The following TMEM132C variants were observed in gnomAD, a reference collection of about 807,000 sequenced individuals.
The protein encoded by TMEM132C is transmembrane protein 132C.
Under a neutral mutation model 61.4 loss-of-function variants are expected in TMEM132C, and 29 were observed. That is an observed-to-expected ratio of 0.47 (90% CI 0.35 to 0.64). TMEM132C has a LOEUF of 0.64. TMEM132C is among the 30% of genes least tolerant of loss of function. The pLI is 0.00. For missense variants in TMEM132C, 1,408 were observed against 1,476.9 expected, an observed-to-expected ratio of 0.95 and a Z score of 0.76; for synonymous variants, 656 against 633.1, an observed-to-expected ratio of 1.04 and a Z score of -0.54.
At chr12:128,621,728 C>T (rs1953964992) in intron 4 of TMEM132C, among the ~76,000 whole-genome samples, 1 of 152,220 alleles carries the variant, frequency 6.6e-6, no homozygotes, top group South Asian at 2.1e-4. Flanking sequence ...CACGCCCACA[C>T]ACCTGTCCCA....
chr12:128,604,406 A>AAGATAGATAGATAGATAGAT (rs199758796), intron 3 of TMEM132C, among the ~76,000 whole-genome samples: 174 of 144,536 alleles, frequency 1.2e-3, no homozygotes, highest in East Asian at 1.7e-3. Context: ...TAATGGATGG[A>AAGATAGATAGATAGATAGAT]AGATAGATAG....
intron 1 of TMEM132C, among the ~76,000 whole-genome samples, chr12:128,344,232 A>G (rs1873077210): frequency 1.3e-5 from 2 of 152,092 alleles, no homozygotes; most frequent in African/African-American, 4.8e-5. Context: ...ATCTAGGCTC[A>G]CGGCAAGCTC....
At chr12:128,689,828 C>T (rs896538597) in intron 5 of TMEM132C, among the ~76,000 whole-genome samples, 6 of 152,196 alleles carry the variant, frequency 3.9e-5, no homozygotes, top group Non-Finnish European at 7.3e-5. Flanking sequence ...TACAAATGCC[C>T]GTGTGGGTCC....
intron 3 of TMEM132C, among the ~76,000 whole-genome samples, chr12:128,554,110 C>T (rs1874259632): frequency 6.6e-6 from 1 of 152,256 alleles, no homozygotes; most frequent in African/African-American, 2.4e-5. Context: ...TCCTGGGATA[C>T]TTCATCAGTC....
intron 2 of TMEM132C, among the ~76,000 whole-genome samples, chr12:128,510,830 C>T (rs956587546): frequency 3.3e-5 from 5 of 152,216 alleles, no homozygotes; most frequent in Admixed American, 1.3e-4. Flanking sequence ...CCTCGCCTGG[C>T]GAGTGGCAGA....
intron 2 of TMEM132C, among the ~76,000 whole-genome samples, chr12:128,455,421 T>C (rs1479303484): frequency 1.3e-5 from 2 of 152,180 alleles, no homozygotes. Context: ...GAGGGGAATA[T>C]GTGACCTACT....
chr12:128,605,646 G>A (rs1182979331), intron 3 of TMEM132C, among the ~76,000 whole-genome samples: 3 of 152,146 alleles, frequency 2.0e-5, no homozygotes, highest in East Asian at 1.9e-4. Context: ...GTGGCATCAC[G>A]TCAAACCACC....
At chr12:128,550,228 C>T (rs146150420) in intron 3 of TMEM132C, among the ~76,000 whole-genome samples, 146 of 151,988 alleles carry the variant, frequency 9.6e-4, no homozygotes, top group Admixed American at 2.2e-3. Flanking sequence ...GCTTGCAGTT[C>T]GCCACCCTCT....
At chr12:128,373,216 A>G (rs1565916210) in intron 1 of TMEM132C, among the ~76,000 whole-genome samples, 1 of 152,142 alleles carries the variant, frequency 6.6e-6, no homozygotes, top group Non-Finnish European at 1.5e-5. Flanking sequence ...GGATCAAAAA[A>G]TCATTTCTAC....
In TMEM132C at chr12:128,415,724, T is replaced by C; in HGVS notation, c.974+104T>C. The C allele has an allele frequency of 7.5e-7, 1 of 1,331,408 alleles. No homozygotes were observed. Among genetic ancestry groups the C allele is most frequent in the Non-Finnish European group, 1.0e-6 (1 of 997,490 alleles). The allele number at this position is 1,331,408 out of a possible 1,614,324, so 82.5% of individuals were successfully genotyped here. ...TCAGGAAGCATCGATTTTCACTACC[T>C]TCAGGGACCGTTTGGCATTAACAGG... On this transcript the variant is annotated intron_variant, in intron 2 of 8. Coordinates refer to ENST00000435159, the MANE Select transcript of TMEM132C (RefSeq NM_001136103.3). The surrounding 1 kb of genome is among the most constrained non-coding windows in gnomAD (Gnocchi z 5.8).
chr12:128,392,803 A>G lies in TMEM132C; in HGVS notation c.86-21929A>G, dbSNP rs1874811357. ...TGATGAGCTAAAAAAAAAAAAAAAAATCACAAAAACATGTCTTAATGTTTT... is the reference window on the plus strand; with the variant it reads ...TGATGAGCTAAAAAAAAAAAAAAAAGTCACAAAAACATGTCTTAATGTTTT... On this transcript the variant is annotated intron_variant, in intron 1 of 8. Transcript: ENST00000435159. Among the ~76,000 whole-genome samples, 3 of 150,634 alleles carry G rather than the reference A, an allele frequency of 2.0e-5. No individual in the cohort carries two copies. In the South Asian group the frequency reaches 6.3e-4, roughly 31 times the overall value.
At chr12:128,446,749 A>G (rs1251405909) in intron 2 of TMEM132C, among the ~76,000 whole-genome samples, 3 of 152,156 alleles carry the variant, frequency 2.0e-5, no homozygotes, top group Admixed American at 2.0e-4. Flanking sequence ...AGCCACTCCA[A>G]CCTGCATTCA....
chr12:128,363,235 C>T (rs997970686), intron 1 of TMEM132C, among the ~76,000 whole-genome samples: 3 of 152,188 alleles, frequency 2.0e-5, no homozygotes, highest in Admixed American at 2.0e-4. Flanking sequence ...TGTTAAAAGG[C>T]AGATCAAATG....
Position 128,544,015 on chromosome 12 carries a change from T to C in TMEM132C, c.1033T>C (p.Trp345Arg). Residue 345 changes from tryptophan (W) to arginine (R), a missense_variant, in exon 3 of 9, where the codon TGG becomes CGG. Transcript: ENST00000435159. The part of the protein sequence containing the change: ...LSAQTREPRQ[W>R]GVKQEVGSGG... Reference sequence around the variant, plus strand: ...TGCTCAGACCCGTGAGCCCCGGCAGTGGGGCGTCAAGCAGGAGGTGGGCAG... The same window carrying C: ...TGCTCAGACCCGTGAGCCCCGGCAGCGGGGCGTCAAGCAGGAGGTGGGCAG... 1 of 1,548,702 alleles carries C rather than the reference T, an allele frequency of 6.5e-7. No individual in the cohort carries two copies. Among genetic ancestry groups the C allele is most frequent in the Non-Finnish European group, 8.7e-7 (1 of 1,145,796 alleles).
At chr12:128,689,298 C>T (rs1199700670) in intron 5 of TMEM132C, among the ~76,000 whole-genome samples, 1 of 152,150 alleles carries the variant, frequency 6.6e-6, no homozygotes, top group African/African-American at 2.4e-5. Context: ...GTGGTGAGAA[C>T]ATTCAAAATT....
At chr12:128,502,634 C>T (rs908333018) in intron 2 of TMEM132C, among the ~76,000 whole-genome samples, 1 of 152,182 alleles carries the variant, frequency 6.6e-6, no homozygotes, top group Non-Finnish European at 1.5e-5. Context: ...TGCGATGTGC[C>T]TCAGGATGGA....
chr12:128,357,717 G>C (rs1399613659), intron 1 of TMEM132C, among the ~76,000 whole-genome samples: 2 of 147,824 alleles, frequency 1.4e-5, no homozygotes, highest in South Asian at 4.3e-4. Context: ...AAAAGAAAAA[G>C]AAGGAGCCCA....
At chr12:128,475,069 A>G (rs76423814) in intron 2 of TMEM132C, among the ~76,000 whole-genome samples, 13,878 of 152,146 alleles carry the variant, frequency 0.091, 750 homozygotes, top group African/African-American at 0.13. Flanking sequence ...GGATGTGGCA[A>G]CAATTCTGCA....
In TMEM132C at chr12:128,696,033, A is replaced by G; in HGVS notation, c.1859A>G (p.Glu620Gly). ...GTGGCAGACTTCATGAAGCTGGAGG[A>G]ACCTCACGTGGCCACCCTCCAGGAC... ...HLVADFMKLE[E>G]PHVATLQDSR... The change falls in exon 7 of 9, where the codon GAA becomes GGA. Residue 620 changes from glutamate (E) to glycine (G), a missense_variant. Physicochemically the swap from Glu to Gly is moderately conservative, Grantham distance 98. Coordinates refer to ENST00000435159, the MANE Select transcript of TMEM132C (RefSeq NM_001136103.3). 1.3e-6 allele frequency: 2 copies of G among 1,551,696 alleles called. No homozygotes were observed. Among genetic ancestry groups the G allele is most frequent in the Non-Finnish European group, 1.7e-6 (2 of 1,147,000 alleles).
Sources: gnomAD v4.1 joint callset for allele counts (sites outside exome capture counted in the v4.1 genomes callset) on GRCh38, gnomAD v4.1.1 for gene constraint, Gnocchi (gnomAD v3.1) non-coding constraint, MANE v1.5 for transcripts, NCBI Gene and HGNC (gene_info 2026-07-23, HGNC 2026-07-21) for gene names.